The following TOPBP1 variants were observed in gnomAD, a reference collection of about 807,000 sequenced individuals.
The protein encoded by TOPBP1 is DNA topoisomerase 2-binding protein 1.
A neutral mutation model predicts 167.7 loss-of-function variants in TOPBP1; 28 were observed. The observed-to-expected ratio is 0.17, with a 90% CI of 0.12 to 0.23. The LOEUF (loss-of-function observed/expected upper bound fraction) is 0.23. Ranked by LOEUF, TOPBP1 falls within the 10% of genes least tolerant of loss-of-function variation. The pLI is 1.00. For synonymous variants in TOPBP1, 598 were observed against 611.4 expected (o/e 0.98, Z 0.32); for missense variants, 1,554 against 1,809.6 (o/e 0.86, Z 2.56).
intron 22 of TOPBP1, 57 bp downstream of exon 22, chr3:133,617,103 A>G (rs762247783): frequency 2.4e-5 from 37 of 1,523,036 alleles, no homozygotes; most frequent in South Asian, 1.6e-4. Context: ...ACAAATTTCT[A>G]ATACAGCCTA....
In TOPBP1 at chr3:133,628,271, TA is replaced by T. The variant is rs1935333109; in HGVS notation, c.2804+90del. The T allele has an allele frequency of 7.6e-6, 9 of 1,189,122 alleles. No homozygotes were observed. In the South Asian group the frequency reaches 9.9e-5, roughly 13 times the overall value. The allele number at this position is 1,189,122 out of a possible 1,614,324, so 73.7% of individuals were successfully genotyped here. A position where few individuals can be genotyped will look rare whatever the true frequency, so the allele number is the denominator to read the frequency against. ...GTAGATAAAGATGCATGAAACAAAA[TA>T]AATGTATTCTTGTAGATGCTCACAA... is the stretch of plus-strand genomic sequence containing the variant. On this transcript the variant is annotated intron_variant, in intron 16 of 27. Coordinates refer to ENST00000260810, the MANE Select transcript of TOPBP1 (RefSeq NM_007027.4).
chr3:133,623,480 A>C, intron 17 of TOPBP1, 23 bp from the exon 18 acceptor site: 5 of 1,585,042 alleles, frequency 3.2e-6, no homozygotes, highest in Non-Finnish European at 4.3e-6. Flanking sequence ...GGTGTGCTTT[A>C]AGACAGGACT....
At chr3:133,630,919 G>T (rs902504216) in intron 14 of TOPBP1, among the ~76,000 whole-genome samples, 5 of 152,170 alleles carry the variant, frequency 3.3e-5, no homozygotes, top group African/African-American at 9.7e-5. Flanking sequence ...TCTAGGCTGG[G>T]TGTGGTTGTT....
Position 133,656,781 on chromosome 3 carries a change from A to G in TOPBP1, c.440T>C (p.Ile147Thr). 1.9e-6 allele frequency: 3 copies of G among 1,613,184 alleles called. No homozygotes were observed. Among genetic ancestry groups the G allele is most frequent in the Non-Finnish European group, 2.5e-6 (3 of 1,179,610 alleles). ...RDLNVSVTHL[I>T]AGEVGSKKYL... ...TTTTTTGCTACCAACTTCTCCTGCA[A>G]TAAGGTGAGTTACTGATACATTAAG... The change falls in exon 5 of 28, where the codon ATT becomes ACT. Residue 147 changes from isoleucine to threonine, a missense_variant. Physicochemically the swap from Ile to Thr is moderately conservative, Grantham distance 89. Transcript: ENST00000260810.
Position 133,655,503 on chromosome 3 carries a change from G to T in TOPBP1, c.546-17C>A. ...GTTATTTTTCTGTGGGAATCAAATGGTTAAAAAAGAACATATTAAATTTAC... is the reference window on the plus strand; with the variant it reads ...GTTATTTTTCTGTGGGAATCAAATGTTTAAAAAAGAACATATTAAATTTAC... On this transcript the variant is annotated splice_polypyrimidine_tract_variant and intron_variant, in intron 5 of 27. Coordinates refer to ENST00000260810, the MANE Select transcript of TOPBP1 (RefSeq NM_007027.4). 7.6e-7 allele frequency: 1 copy of T among 1,320,934 alleles called. No individual in the cohort carries two copies. Among genetic ancestry groups the T allele is most frequent in the Non-Finnish European group, 1.0e-6 (1 of 999,060 alleles). The allele number at this position is 1,320,934 out of a possible 1,614,324, so 81.8% of individuals were successfully genotyped here.
In TOPBP1 at chr3:133,623,476, C is replaced by G. The variant is rs572242745; in HGVS notation, c.2929-19G>C. 3.1e-6 allele frequency: 5 copies of G among 1,591,568 alleles called. No homozygotes were observed. ...GGGCACACTGCAATACAATGGTGTGCTTTAAGACAGGACTGACAAAATCTT... is the reference window on the plus strand; with the variant it reads ...GGGCACACTGCAATACAATGGTGTGGTTTAAGACAGGACTGACAAAATCTT... On this transcript the variant is annotated intron_variant, in intron 17 of 27. Transcript: ENST00000260810.
chr3:133,651,984 A>G (rs997836075), intron 8 of TOPBP1, among the ~76,000 whole-genome samples: 26 of 152,140 alleles, frequency 1.7e-4, no homozygotes, highest in African/African-American at 6.3e-4. Context: ...AAAATTTTAA[A>G]AATTAGCCAG....
At chr3:133,640,832 A>C (rs1935869469) in intron 12 of TOPBP1, among the ~76,000 whole-genome samples, 1 of 152,220 alleles carries the variant, frequency 6.6e-6, no homozygotes, top group Admixed American at 6.5e-5. Context: ...AACCTACTAC[A>C]ACTTTCCAAA....
Position 133,616,695 on chromosome 3 carries a change from T to C in TOPBP1, c.3871+119A>G, listed in dbSNP as rs1174959073. ...GACTCAATGTATAGCCTTAGACAAG[T>C]TACCCATGTTCTTTTCCTCTACTTC... On this transcript the variant is annotated intron_variant, in intron 23 of 27. Transcript: ENST00000260810. 1.6e-5 allele frequency: 9 copies of C among 554,030 alleles called. No homozygotes were observed. The Admixed American group carries it at 2.0e-4, about 12-fold the overall frequency. 34.3% of individuals were successfully genotyped at this position (554,030 alleles called of 1,614,324 possible).
rs1934291909 is a variant in TOPBP1, at chr3:133,601,380, T to A, written c.4439A>T (p.His1480Leu). 1 of 1,536,592 alleles carries A rather than the reference T, an allele frequency of 6.5e-7. No individual in the cohort carries two copies. The highest frequency in any genetic ancestry group is 8.8e-7 in the Non-Finnish European group (1 of 1,141,294). The change falls in exon 28 of 28, where the codon CAT becomes CTT. Residue 1480 changes from histidine to leucine, a missense_variant. This residue lies in a region of TOPBP1 where 351 missense variants were observed against 432.9 expected (regional missense o/e 0.81). Coordinates refer to ENST00000260810, the MANE Select transcript of TOPBP1 (RefSeq NM_007027.4). ...ADYLMQESPP[H>L]VENYCLPEAI... ...TTCTGGTAGACAGTAATTTTCTACATGAGGAGGTGATTCCTATAAAAGGAA... is the reference window on the plus strand; with the variant it reads ...TTCTGGTAGACAGTAATTTTCTACAAGAGGAGGTGATTCCTATAAAAGGAA...
chr3:133,629,186 A>G (rs1935377705), intron 14 of TOPBP1, among the ~76,000 whole-genome samples: 1 of 152,218 alleles, frequency 6.6e-6, no homozygotes, highest in African/African-American at 2.4e-5. Context: ...CAAAAGTTCA[A>G]AATATATTCC....
At chr3:133,661,183 AAAGTTGC>A in intron 1 of TOPBP1, 49 bp from the exon 2 acceptor site, 1 of 1,401,032 alleles carries the variant, frequency 7.1e-7, no homozygotes, top group South Asian at 1.4e-5. Flanking sequence ...CATTAGATAA[AAAGTTGC>A]ATGTTTAACC....
At position 133,601,344 on chromosome 3, in the gene TOPBP1, A is replaced by G; in HGVS notation, c.4475T>C (p.Phe1492Ser). 6.3e-7 allele frequency: 1 copy of G among 1,588,990 alleles called. No individual in the cohort carries two copies. Residue 1492 changes from phenylalanine (F) to serine (S), a missense_variant, in exon 28 of 28, where the codon TTT becomes TCT. By Grantham distance (155) the Phe-to-Ser change is radical (BLOSUM62 -2). Coordinates refer to ENST00000260810, the MANE Select transcript of TOPBP1 (RefSeq NM_007027.4). ...ENYCLPEAIS[F>S]IQNNKELGTG... ...CCCAAGTTCCTTATTATTCTGAATA[A>G]ATGAAATAGCTTCTGGTAGACAGTA...
rs570608379 is a variant in TOPBP1 at position 133,607,819 on chromosome 3, G to A, written c.4425+716C>T. On this transcript the variant is annotated intron_variant, in intron 27 of 27. Coordinates refer to ENST00000260810, the MANE Select transcript of TOPBP1 (RefSeq NM_007027.4). Reference sequence around the variant, plus strand: ...TAGATAAAATCGTGGATACTAATCAGTATGCCCTCTGCTCTATAACGGCTT... The same window carrying A: ...TAGATAAAATCGTGGATACTAATCAATATGCCCTCTGCTCTATAACGGCTT... Among the ~76,000 whole-genome samples the A allele has an allele frequency of 2.9e-4, 44 of 152,310 alleles. 1 individual carries two copies. Among genetic ancestry groups the A allele is most frequent in the Non-Finnish European group, 1.9e-4 (13 of 68,026 alleles).
At chr3:133,601,674 GATAAA>G (rs762557021) in intron 27 of TOPBP1, among the ~76,000 whole-genome samples, 1 of 151,964 alleles carries the variant, frequency 6.6e-6, no homozygotes, top group African/African-American at 2.4e-5. Flanking sequence ...CCATTTTTGA[GATAAA>G]ATAAAAAAGG....
chr3:133,605,028 G>T (rs766865937), intron 27 of TOPBP1, among the ~76,000 whole-genome samples: 1 of 151,662 alleles, frequency 6.6e-6, no homozygotes, highest in Non-Finnish European at 1.5e-5. Flanking sequence ...GTGAAACCCC[G>T]TCTCTACCAA....
rs1936452907 is a variant in TOPBP1, at chr3:133,655,552, C to A, written c.546-66G>T. ...ACCAGAAGAATAATGAAAAACAACA[C>A]AAATATCACTATTGCTTCCCTCATT... On this transcript the variant is annotated intron_variant, in intron 5 of 27. Transcript: ENST00000260810. 7 of 878,542 alleles carry A rather than the reference C, an allele frequency of 8.0e-6. No homozygotes were observed. In the South Asian group the frequency reaches 2.1e-4, roughly 26 times the overall value. The allele number at this position is 878,542 out of a possible 1,614,324, so 54.4% of individuals were successfully genotyped here.
chr3:133,604,348 G>A (rs982107817), intron 27 of TOPBP1, among the ~76,000 whole-genome samples: 3 of 151,526 alleles, frequency 2.0e-5, no homozygotes, highest in Admixed American at 6.6e-5. Context: ...TGTTGGCCAG[G>A]CTGGTCTCGA....
chr3:133,630,548 T>C (rs1470893236), intron 14 of TOPBP1, among the ~76,000 whole-genome samples: 1 of 152,138 alleles, frequency 6.6e-6, no homozygotes, highest in Admixed American at 6.6e-5. Context: ...TCCTCTCGCC[T>C]TGGCCTCCCA....
Sources: allele counts gnomAD v4.1 joint callset (sites outside exome capture counted in the v4.1 genomes callset), GRCh38; gene constraint gnomAD v4.1.1; regional missense constraint gnomAD v4.1.1; transcripts MANE v1.5; gene names NCBI Gene and HGNC (gene_info 2026-07-23, HGNC 2026-07-21).